The following HMBOX1 variants were observed in gnomAD, a reference collection of about 807,000 sequenced individuals.
HMBOX1 encodes homeobox containing 1.
In HMBOX1, 14 loss-of-function variants were observed where a neutral mutation model predicts 54.5. The ratio of observed to expected loss-of-function variants is 0.26; its 90% confidence interval spans 0.17 to 0.40. HMBOX1 has a LOEUF of 0.40. Ranked by LOEUF, HMBOX1 falls within the 10% of genes least tolerant of loss-of-function variation. The pLI is 1.00. For missense variants in HMBOX1, 332 were observed against 514.4 expected, an observed-to-expected ratio of 0.65 and a Z score of 3.43; for synonymous variants, 160 against 181.0, an observed-to-expected ratio of 0.88 and a Z score of 0.93.
intron 2 of HMBOX1, among the ~76,000 whole-genome samples, chr8:28,967,161 A>C (rs1411493561): frequency 1.3e-5 from 2 of 152,192 alleles, no homozygotes; most frequent in African/African-American, 4.8e-5. Flanking sequence ...TGACTAGAAA[A>C]TTATGGGGAG....
intron 1 of HMBOX1, among the ~76,000 whole-genome samples, chr8:28,902,665 G>A (rs1179092583): frequency 6.6e-6 from 1 of 152,172 alleles, no homozygotes. Flanking sequence ...CCAAAGGCAG[G>A]TGTCCCAAAA....
At chr8:29,012,083 A>G (rs1834296915) in intron 5 of HMBOX1, among the ~76,000 whole-genome samples, 1 of 152,222 alleles carries the variant, frequency 6.6e-6, no homozygotes, top group Admixed American at 6.5e-5. Context: ...GCCATTTGGT[A>G]GTTGTTGTTG....
intron 1 of HMBOX1, among the ~76,000 whole-genome samples, chr8:28,919,584 T>G (rs1817188517): frequency 6.6e-6 from 1 of 152,218 alleles, no homozygotes. Context: ...AGCTGCAGAT[T>G]TCCATAGTTG....
chr8:28,988,869 A>C (rs1393168944), intron 4 of HMBOX1, among the ~76,000 whole-genome samples: 2 of 151,836 alleles, frequency 1.3e-5, no homozygotes, highest in Non-Finnish European at 2.9e-5. Flanking sequence ...TGAGGCTTGC[A>C]TTTTCATTTT....
chr8:28,916,481 G>A lies in HMBOX1; in HGVS notation c.-58+25803G>A, dbSNP rs190807006. On this transcript the variant is annotated intron_variant, in intron 1 of 9. Coordinates refer to ENST00000287701, the MANE Select transcript of HMBOX1 (RefSeq NM_001135726.3). ...TCTGTGACCCATTTTGAGTTAATGC[G>A]TGTAGAAGATTTGAGGTATGGGCAA... Among the ~76,000 whole-genome samples the A allele has an allele frequency of 8.7e-4, 133 of 152,268 alleles. 1 individual carries two copies. The highest frequency in any genetic ancestry group is 1.6e-3 in the Non-Finnish European group (107 of 68,016).
chr8:29,045,508 A>G (rs1805441556), intron 7 of HMBOX1, 65 bp downstream of exon 7: 14 of 1,278,974 alleles, frequency 1.1e-5, no homozygotes, highest in Non-Finnish European at 1.6e-5. Context: ...GTTGGCATCT[A>G]GGACACTTAA....
intron 1 of HMBOX1, among the ~76,000 whole-genome samples, chr8:28,913,877 G>A (rs1296182903): frequency 6.7e-5 from 2 of 30,048 alleles, no homozygotes; most frequent in African/African-American, 3.0e-4. Flanking sequence ...TTTTTTTTTT[G>A]CGGGGGCGGA....
intron 4 of HMBOX1, among the ~76,000 whole-genome samples, chr8:28,980,909 A>G (rs1293573372): frequency 1.3e-5 from 2 of 152,164 alleles, no homozygotes; most frequent in Admixed American, 6.5e-5. Context: ...TGTACTTTGC[A>G]TATTGATAGA....
chr8:28,894,606 C>A (rs898702988), intron 1 of HMBOX1, among the ~76,000 whole-genome samples: 1 of 152,184 alleles, frequency 6.6e-6, no homozygotes, highest in Admixed American at 6.5e-5. Context: ...CCACATTGCC[C>A]TTACTGGATT....
intron 1 of HMBOX1, among the ~76,000 whole-genome samples, chr8:28,897,490 C>CA (rs1159241405): frequency 6.6e-6 from 1 of 152,116 alleles, no homozygotes; most frequent in Non-Finnish European, 1.5e-5. Flanking sequence ...GCCTGACCAA[C>CA]ATGGTGAAAC....
chr8:28,988,272 G>T (rs574460097), intron 4 of HMBOX1, among the ~76,000 whole-genome samples: 1 of 152,222 alleles, frequency 6.6e-6, no homozygotes, highest in Non-Finnish European at 1.5e-5. Flanking sequence ...TATGACTTTT[G>T]AATGCTAAAT....
chr8:28,931,075 A>G (rs1819400453), intron 1 of HMBOX1, among the ~76,000 whole-genome samples: 1 of 152,152 alleles, frequency 6.6e-6, no homozygotes, highest in Non-Finnish European at 1.5e-5. Flanking sequence ...TGTTGTTATC[A>G]TGTTGACTTT....
intron 6 of HMBOX1, chr8:29,042,712 T>C (rs1332094904): frequency 2.2e-6 from 1 of 456,176 alleles, no homozygotes; most frequent in East Asian, 6.9e-5. Context: ...GGAGATTGGC[T>C]GGACAGGTAT....
chr8:28,977,831 C>T (rs1317775743), intron 3 of HMBOX1, among the ~76,000 whole-genome samples: 1 of 151,558 alleles, frequency 6.6e-6, no homozygotes, highest in African/African-American at 2.4e-5. Context: ...GTAGTCCCAG[C>T]TACTCGGGAG....
intron 1 of HMBOX1, among the ~76,000 whole-genome samples, chr8:28,894,452 G>A (rs960020387): frequency 6.6e-6 from 1 of 152,160 alleles, no homozygotes; most frequent in Non-Finnish European, 1.5e-5. Context: ...AAGCTGAGGA[G>A]ATTTTCATTA....
Position 28,968,681 on chromosome 8 carries a change from T to C in HMBOX1, c.24-1362T>C, listed in dbSNP as rs376431643. 3.0e-4 allele frequency among the ~76,000 whole-genome samples: 46 copies of C among 152,330 alleles called. 1 individual carries two copies. Among genetic ancestry groups the C allele is most frequent in the African/African-American group, 9.4e-4 (39 of 41,570 alleles). ...GACAAAGAAACAGTGAGACCTTCAA[T>C]AGCTATAGGACACTGGCCCAGAGCA... On this transcript the variant is annotated intron_variant, in intron 2 of 9. Transcript: ENST00000287701.
chr8:28,976,174 G>A lies in HMBOX1; in HGVS notation c.501-3897G>A, dbSNP rs374385808. Among the ~76,000 whole-genome samples the A allele has an allele frequency of 7.4e-4, 113 of 152,068 alleles. 1 individual carries two copies. The highest frequency in any genetic ancestry group is 2.6e-3 in the African/African-American group (107 of 41,470). ...AGTACCTGGTACAGATGTTTACTTT[G>A]GTCTTATATGATTACAGCAGATCGT... On this transcript the variant is annotated intron_variant, in intron 3 of 9. Coordinates refer to ENST00000287701, the MANE Select transcript of HMBOX1 (RefSeq NM_001135726.3).
chr8:28,970,131 A>G lies in HMBOX1; in HGVS notation c.112A>G (p.Met38Val). 1 of 1,614,188 alleles carries G rather than the reference A, an allele frequency of 6.2e-7. No homozygotes were observed. Among genetic ancestry groups the G allele is most frequent in the Non-Finnish European group, 8.5e-7 (1 of 1,180,006 alleles). The change falls in exon 3 of 10, where the codon ATG becomes GTG. Residue 38 changes from methionine to valine, a missense_variant. Met to Val is a conservative substitution (Grantham distance 21). Transcript: ENST00000287701. This position sits in a 1 kb window ranked among gnomAD's most constrained non-coding sequence, Gnocchi z 4.3. ...DLLQRLRRTG[M>V]TKHEILHALE... ...GCTTCAGCGACTTCGGCGTACTGGAATGACTAAACATGAAATTCTCCATGC... is the reference window on the plus strand; with the variant it reads ...GCTTCAGCGACTTCGGCGTACTGGAGTGACTAAACATGAAATTCTCCATGC...
intron 8 of HMBOX1, among the ~76,000 whole-genome samples, 189 bp from the exon 9 acceptor site, chr8:29,048,765 G>T (rs1042027232): frequency 6.6e-6 from 1 of 152,176 alleles, no homozygotes; most frequent in African/African-American, 2.4e-5. Context: ...TGGCAAATGT[G>T]TGCCTCCCCT....
Sources: allele counts gnomAD v4.1 joint callset (sites outside exome capture counted in the v4.1 genomes callset), GRCh38; gene constraint gnomAD v4.1.1; non-coding constraint Gnocchi (gnomAD v3.1); transcripts MANE v1.5; gene names NCBI Gene and HGNC (gene_info 2026-07-23, HGNC 2026-07-21).